Variants in TMPRSS15 observed in about 807,000 individuals in gnomAD.
The protein encoded by TMPRSS15 is enteropeptidase.
In TMPRSS15, 128 loss-of-function variants were observed where a neutral mutation model predicts 125.3. That is an observed-to-expected ratio of 1.02 (90% CI 0.89 to 1.18). The LOEUF (loss-of-function observed/expected upper bound fraction) is 1.18, where lower values mean the gene tolerates loss of function less well. TMPRSS15 is among the 50% of genes most tolerant of loss of function. The pLI is 0.00. For synonymous variants in TMPRSS15, 446 were observed against 423.2 expected, an observed-to-expected ratio of 1.05 and a Z score of -0.66; for missense variants, 1,283 against 1,212.7, an observed-to-expected ratio of 1.06 and a Z score of -0.86.
chr21:18,338,777 T>G (rs2146980852), intron 13 of TMPRSS15, among the ~76,000 whole-genome samples: 1 of 152,172 alleles, frequency 6.6e-6, no homozygotes, highest in Admixed American at 6.5e-5. Context: ...TAATAGTATT[T>G]ACTGATCACC....
chr21:18,356,658 A>C (rs187698799), intron 8 of TMPRSS15, among the ~76,000 whole-genome samples: 5 of 151,952 alleles, frequency 3.3e-5, no homozygotes, highest in African/African-American at 7.2e-5. Context: ...TCCACATAAC[A>C]TACCCCTATC....
intron 13 of TMPRSS15, among the ~76,000 whole-genome samples, chr21:18,337,641 A>T (rs1601353695): frequency 6.6e-6 from 1 of 152,190 alleles, no homozygotes; most frequent in South Asian, 2.1e-4. Flanking sequence ...TCCTCAGACT[A>T]GGCACAATGT....
chr21:18,472,915 A>G (rs1055748263), intron 1 of TMPRSS15, among the ~76,000 whole-genome samples: 5 of 152,130 alleles, frequency 3.3e-5, no homozygotes, highest in Admixed American at 6.6e-5. Context: ...CGTAAGATTG[A>G]TAAGATTCAT....
intron 1 of TMPRSS15, among the ~76,000 whole-genome samples, chr21:18,462,572 T>C (rs1978571642): frequency 1.3e-5 from 2 of 152,012 alleles, no homozygotes; most frequent in African/African-American, 4.8e-5. Flanking sequence ...AAAATAAAAC[T>C]TTTGAAACAT....
At chr21:18,342,312 A>G (rs1321992043) in intron 12 of TMPRSS15, among the ~76,000 whole-genome samples, 2 of 152,160 alleles carry the variant, frequency 1.3e-5, no homozygotes, top group Non-Finnish European at 2.9e-5. Context: ...AATTTTCAAC[A>G]CTCATTCATT....
At chr21:18,302,658 T>C (rs1706566826) in intron 18 of TMPRSS15, among the ~76,000 whole-genome samples, 1 of 152,196 alleles carries the variant, frequency 6.6e-6, no homozygotes, top group African/African-American at 2.4e-5. Context: ...CAAGCTACTG[T>C]ATTAAGAGCA....
chr21:18,445,866 C>G (rs990242380), intron 1 of TMPRSS15, among the ~76,000 whole-genome samples: 1 of 152,126 alleles, frequency 6.6e-6, no homozygotes, highest in Admixed American at 6.6e-5. Context: ...GGACAAGGAA[C>G]TATTGAAAGC....
At chr21:18,395,062 C>CTTTAAAACTTTAAAACTGATTTTTA (rs2076022561) in intron 3 of TMPRSS15, among the ~76,000 whole-genome samples, 1 of 152,106 alleles carries the variant, frequency 6.6e-6, no homozygotes, top group Non-Finnish European at 1.5e-5. Flanking sequence ...CTTTAACCTA[C>CTTTAAAACTTTAAAACTGATTTTTA]ACAACTTTAA....
intron 1 of TMPRSS15, among the ~76,000 whole-genome samples, chr21:18,447,385 A>G (rs1429070321): frequency 7.2e-6 from 1 of 138,112 alleles, no homozygotes; most frequent in African/African-American, 2.7e-5. Flanking sequence ...GGTAGCAGTG[A>G]GCCCAGATCA....
At chr21:18,315,361 A>G in intron 16 of TMPRSS15, 105 bp from the exon 17 acceptor site, 2 of 924,482 alleles carry the variant, frequency 2.2e-6, no homozygotes, top group Non-Finnish European at 3.4e-6. Context: ...CCTTTGCCAC[A>G]GCTCAAGGTG....
chr21:18,382,943 T>G (rs2123054738), intron 4 of TMPRSS15, among the ~76,000 whole-genome samples: 1 of 152,298 alleles, frequency 6.6e-6, no homozygotes, highest in African/African-American at 2.4e-5. Flanking sequence ...TTTATTCTTA[T>G]GTTAAAATTA....
At chr21:18,418,188 G>A (rs1950840833) in intron 1 of TMPRSS15, among the ~76,000 whole-genome samples, 2 of 152,156 alleles carry the variant, frequency 1.3e-5, no homozygotes, top group African/African-American at 4.8e-5. Context: ...TCACCCATTA[G>A]ATACTTTAAT....
intron 13 of TMPRSS15, among the ~76,000 whole-genome samples, chr21:18,334,077 T>C (rs2146972116): frequency 6.6e-6 from 1 of 152,328 alleles, no homozygotes; most frequent in East Asian, 1.9e-4. Flanking sequence ...TGTCTCTACA[T>C]CTATGACAGT....
In TMPRSS15 at chr21:18,437,284, G is replaced by A. The variant is rs71319690; in HGVS notation, c.11-38955C>T. ...ACTGGCTAGCCATATGTAGAAAGCT[G>A]AAACTGGATCCCTTCCTTACATCTT... On this transcript the variant is annotated intron_variant, in intron 1 of 7. Coordinates refer to the TMPRSS15 transcript ENST00000422787. Among the ~76,000 whole-genome samples the A allele has an allele frequency of 7.1e-3, 1,078 of 152,096 alleles. 8 individuals are homozygous for A. The highest frequency in any genetic ancestry group is 0.014 in the Middle Eastern group (4 of 294).
At chr21:18,335,658 C>T (rs924842276) in intron 13 of TMPRSS15, among the ~76,000 whole-genome samples, 12 of 152,202 alleles carry the variant, frequency 7.9e-5, no homozygotes, top group African/African-American at 2.9e-4. Flanking sequence ...TGATCCCTGG[C>T]CTGATAAAAT....
At chr21:18,284,990 A>G (rs1384938375) in intron 21 of TMPRSS15, among the ~76,000 whole-genome samples, 1 of 129,440 alleles carries the variant, frequency 7.7e-6, no homozygotes, top group Non-Finnish European at 1.7e-5. Context: ...GACAAGAGCA[A>G]AACTCTGCCC....
chr21:18,350,768 A>G (rs1465479172), intron 10 of TMPRSS15, among the ~76,000 whole-genome samples: 1 of 151,592 alleles, frequency 6.6e-6, no homozygotes, highest in Non-Finnish European at 1.5e-5. Context: ...ACATATATAT[A>G]TAATTTCCTA....
chr21:18,377,649 T>C (rs1217776710), intron 5 of TMPRSS15, among the ~76,000 whole-genome samples: 1 of 152,202 alleles, frequency 6.6e-6, no homozygotes, highest in African/African-American at 2.4e-5. Flanking sequence ...CACCCACGTC[T>C]TTTTAGTGAT....
intron 1 of TMPRSS15, among the ~76,000 whole-genome samples, chr21:18,440,146 G>C (rs1312974356): frequency 6.6e-6 from 1 of 151,686 alleles, no homozygotes; most frequent in Non-Finnish European, 1.5e-5. Flanking sequence ...AGGCCGAGAC[G>C]GGCGGATCAC....
Sources: allele counts gnomAD v4.1 joint callset (sites outside exome capture counted in the v4.1 genomes callset), GRCh38; gene constraint gnomAD v4.1.1; transcripts MANE v1.5; gene names NCBI Gene and HGNC (gene_info 2026-07-23, HGNC 2026-07-21).